The following CHCHD6 variants were observed in gnomAD, a reference collection of about 807,000 sequenced individuals.
CHCHD6 encodes MICOS complex subunit MIC25.
In CHCHD6, 28 loss-of-function variants were observed where a neutral mutation model predicts 32.3. The ratio of observed to expected loss-of-function variants is 0.87; its 90% CI spans 0.64 to 1.19. The LOEUF (loss-of-function observed/expected upper bound fraction) is 1.19. Ranked by LOEUF, CHCHD6 falls within the 50% of genes most tolerant of loss-of-function variation. CHCHD6 has a pLI of 0.00. For synonymous variants in CHCHD6, 122 were observed against 117.5 expected (o/e 1.04, Z -0.25); for missense variants, 333 against 307.0 (o/e 1.08, Z -0.63).
intron 4 of CHCHD6, among the ~76,000 whole-genome samples, chr3:126,770,408 A>G (rs893412142): frequency 1.3e-5 from 2 of 152,214 alleles, no homozygotes; most frequent in Non-Finnish European, 2.9e-5. Flanking sequence ...GTGTTGTGCC[A>G]GTTTTCAAGG....
chr3:126,859,245 G>C (rs1019976791), intron 5 of CHCHD6, among the ~76,000 whole-genome samples: 4 of 152,170 alleles, frequency 2.6e-5, no homozygotes, highest in Non-Finnish European at 4.4e-5. Context: ...GCTGTGTTTG[G>C]AGAGAGCAGG....
At chr3:126,808,800 T>C (rs955151732) in intron 4 of CHCHD6, among the ~76,000 whole-genome samples, 1 of 152,200 alleles carries the variant, frequency 6.6e-6, no homozygotes, top group Admixed American at 6.5e-5. Flanking sequence ...GTGAGAGGAA[T>C]GAGCAGGAGC....
chr3:126,711,939 A>G (rs936472673), intron 1 of CHCHD6, among the ~76,000 whole-genome samples: 1 of 152,200 alleles, frequency 6.6e-6, no homozygotes, highest in African/African-American at 2.4e-5. Flanking sequence ...CACATGTGTT[A>G]TTCTGTTTGA....
chr3:126,914,722 G>A lies in CHCHD6; in HGVS notation c.538G>A (p.Ala180Thr), dbSNP rs1298537560. The A allele has an allele frequency of 1.9e-6, 3 of 1,594,950 alleles. No individual in the cohort carries two copies. The Admixed American group carries it at 5.0e-5, about 27-fold the overall frequency. The change falls in exon 6 of 8, where the codon GCA (alanine) becomes ACA (threonine). Residue 180 changes from alanine (A) to threonine (T), a missense_variant. By Grantham distance (58) the Ala-to-Thr change is moderately conservative (BLOSUM62 0). Coordinates refer to ENST00000290913, the MANE Select transcript of CHCHD6 (RefSeq NM_032343.3). ...YKLSSEQFHE[A>T]ASKMESTIKP... ...ACTGTCTTCAGAGCAATTCCATGAG[G>A]CAGCCTCAAAGATGGAGAGCACAAT...
intron 4 of CHCHD6, among the ~76,000 whole-genome samples, chr3:126,758,000 T>C (rs1242405594): frequency 1.3e-5 from 2 of 152,194 alleles, no homozygotes; most frequent in Non-Finnish European, 2.9e-5. Context: ...CTCAGGTCTT[T>C]TAGTGGAAGG....
At chr3:126,946,851 C>T (rs1404790875) in intron 6 of CHCHD6, among the ~76,000 whole-genome samples, 2 of 152,324 alleles carry the variant, frequency 1.3e-5, no homozygotes, top group Admixed American at 1.3e-4. Context: ...TATTCACCCC[C>T]CTGCTGATGT....
intron 4 of CHCHD6, among the ~76,000 whole-genome samples, chr3:126,734,211 G>C (rs1470468732): frequency 6.6e-6 from 1 of 152,240 alleles, no homozygotes; most frequent in Non-Finnish European, 1.5e-5. Flanking sequence ...ACTGACTGCA[G>C]CTAGGGCTCT....
intron 4 of CHCHD6, among the ~76,000 whole-genome samples, chr3:126,788,992 A>G (rs1052926063): frequency 1.3e-5 from 2 of 152,080 alleles, no homozygotes; most frequent in Non-Finnish European, 2.9e-5. Context: ...CACTGCTTTA[A>G]ATGTGTCCCA....
intron 7 of CHCHD6, 116 bp downstream of exon 7, chr3:126,957,667 T>C: frequency 8.1e-7 from 1 of 1,234,876 alleles, no homozygotes; most frequent in Non-Finnish European, 1.1e-6. Flanking sequence ...ATGCTCCACT[T>C]GGAGGTCTCT....
intron 5 of CHCHD6, among the ~76,000 whole-genome samples, chr3:126,898,785 C>T (rs2077878878): frequency 2.0e-5 from 3 of 152,166 alleles, no homozygotes; most frequent in Admixed American, 2.0e-4. Context: ...ATGATCTGCC[C>T]TCCTCGGCCT....
chr3:126,891,447 G>A (rs1020893764), intron 5 of CHCHD6, among the ~76,000 whole-genome samples: 11 of 152,128 alleles, frequency 7.2e-5, no homozygotes, highest in Non-Finnish European at 1.3e-4. Context: ...GGAGATGGGC[G>A]GCAGGGGTGA....
chr3:126,760,229 G>A (rs1217361128), intron 4 of CHCHD6, among the ~76,000 whole-genome samples: 2 of 152,166 alleles, frequency 1.3e-5, no homozygotes, highest in African/African-American at 4.8e-5. Flanking sequence ...AATCTGTGGG[G>A]TGATGCTTTG....
At chr3:126,881,502 A>C (rs1025835340) in intron 5 of CHCHD6, among the ~76,000 whole-genome samples, 2 of 152,218 alleles carry the variant, frequency 1.3e-5, no homozygotes, top group Non-Finnish European at 2.9e-5. Context: ...ATTTAATACA[A>C]GTGTATAGCA....
At chr3:126,799,811 C>CTGCGCCA (rs1233569144) in intron 4 of CHCHD6, among the ~76,000 whole-genome samples, 3 of 152,186 alleles carry the variant, frequency 2.0e-5, no homozygotes, top group Non-Finnish European at 4.4e-5. Context: ...AAAAAGAAGG[C>CTGCGCCA]TGCGCCATCT....
intron 4 of CHCHD6, among the ~76,000 whole-genome samples, chr3:126,771,172 T>C (rs987721780): frequency 1.3e-5 from 2 of 151,924 alleles, no homozygotes; most frequent in African/African-American, 4.8e-5. Flanking sequence ...TCAGTGGTAA[T>C]GTACCCTTTA....
intron 4 of CHCHD6, among the ~76,000 whole-genome samples, chr3:126,810,184 A>G (rs1261412044): frequency 6.6e-6 from 1 of 152,258 alleles, no homozygotes; most frequent in African/African-American, 2.4e-5. Context: ...GAAAGGAAAT[A>G]TAACTAAAGT....
Position 126,730,409 on chromosome 3 carries a change from C to A in CHCHD6, c.197-152C>A, listed in dbSNP as rs926934005. ...TGAATCAAGGGTGTTCCTTGTCTGC[C>A]CCTGTGGACGCTCCTTTGTGGGGAC... On this transcript the variant is annotated intron_variant, in intron 2 of 7. Transcript: ENST00000290913. 4.9e-6 allele frequency: 3 copies of A among 608,624 alleles called. No homozygotes were observed. In the African/African-American group the frequency reaches 5.5e-5, roughly 11 times the overall value. The allele number at this position is 608,624 out of a possible 1,614,324, so 37.7% of individuals were successfully genotyped here. A position where few individuals can be genotyped will look rare whatever the true frequency, so the allele number is the denominator to read the frequency against.
chr3:126,831,395 G>C (rs1300200571), intron 4 of CHCHD6, among the ~76,000 whole-genome samples: 1 of 152,114 alleles, frequency 6.6e-6, no homozygotes, highest in Non-Finnish European at 1.5e-5. Flanking sequence ...AGGCAGTGTT[G>C]GGCAAGCTTG....
rs559903669 is a variant in CHCHD6, at chr3:126,833,052, G to T, written c.412-19595G>T. On this transcript the variant is annotated intron_variant, in intron 4 of 7. Coordinates refer to ENST00000290913, the MANE Select transcript of CHCHD6 (RefSeq NM_032343.3). ...AAGGAATGAGGCACATAGTGACACA[G>T]TATTCATAGGCAGTAGGAAGTAGTC... Among the ~76,000 whole-genome samples, 3 of 152,366 alleles carry T rather than the reference G, an allele frequency of 2.0e-5. No homozygotes were observed. The South Asian group carries it at 6.2e-4, about 32-fold the overall frequency.
Sources: gnomAD v4.1 joint callset for allele counts (sites outside exome capture counted in the v4.1 genomes callset) on GRCh38, gnomAD v4.1.1 for gene constraint, MANE v1.5 for transcripts, NCBI Gene and HGNC (gene_info 2026-07-23, HGNC 2026-07-21) for gene names.